The following DNAH11 variants were observed in gnomAD, a reference collection of about 807,000 sequenced individuals.
DNAH11 encodes the protein axonemal beta dynein heavy chain 11.
Under a neutral mutation model 526.0 loss-of-function variants are expected in DNAH11, and 442 were observed. The observed-to-expected ratio is 0.84, with a 90% CI of 0.78 to 0.91. The LOEUF (loss-of-function observed/expected upper bound fraction) is 0.91, where lower values mean the gene tolerates loss of function less well. DNAH11 is among the 40% of genes least tolerant of loss of function. DNAH11 has a pLI of 0.00. For missense variants in DNAH11, 6,989 were observed against 5,448.7 expected, an observed-to-expected ratio of 1.28 and a Z score of -8.90; for synonymous variants, 2,461 against 1,935.9, an observed-to-expected ratio of 1.27 and a Z score of -7.12.
chr7:21,698,811 T>C (rs931769052), intron 36 of DNAH11, among the ~76,000 whole-genome samples: 2 of 152,238 alleles, frequency 1.3e-5, no homozygotes, highest in African/African-American at 4.8e-5. Context: ...TAATGACTAC[T>C]TTTCCTCTGG....
At chr7:21,846,232 T>A (rs1782412844) in intron 66 of DNAH11, among the ~76,000 whole-genome samples, 1 of 152,154 alleles carries the variant, frequency 6.6e-6, no homozygotes. Flanking sequence ...TTCCTTTTCT[T>A]GTCTTAAGGC....
chr7:21,726,452 C>A (rs775949517), intron 45 of DNAH11, among the ~76,000 whole-genome samples: 1 of 122,100 alleles, frequency 8.2e-6, no homozygotes, highest in Non-Finnish European at 1.7e-5. Flanking sequence ...CTGATGTGAT[C>A]CCTTTTTAAA....
At chr7:21,600,614 G>T in intron 15 of DNAH11, 62 bp from the exon 16 acceptor site, 1 of 1,494,278 alleles carries the variant, frequency 6.7e-7, no homozygotes, top group Non-Finnish European at 8.9e-7. Context: ...ATGTTATGTT[G>T]TAGATAATTG....
intron 66 of DNAH11, 101 bp from the exon 67 acceptor site, chr7:21,852,366 C>G: frequency 1.6e-6 from 2 of 1,247,672 alleles, no homozygotes; most frequent in East Asian, 2.5e-5. Flanking sequence ...AAGATCATAC[C>G]ACTGTACTCC....
At chr7:21,771,796 C>T (rs1787444743) in intron 55 of DNAH11, among the ~76,000 whole-genome samples, 2 of 152,084 alleles carry the variant, frequency 1.3e-5, no homozygotes, top group Non-Finnish European at 2.9e-5. Context: ...TTGCGTAGCC[C>T]TCGCTGCGGC....
Position 21,789,331 on chromosome 7 carries a change from A to G in DNAH11, c.10015A>G (p.Lys3339Glu), listed in dbSNP as rs1250244826. 2 of 1,566,750 alleles carry G rather than the reference A, an allele frequency of 1.3e-6. No homozygotes were observed. The highest frequency in any genetic ancestry group is 2.4e-5 in the East Asian group (1 of 42,428). The change falls in exon 61 of 82, where the codon AAA (lysine) becomes GAA (glutamate). Residue 3339 changes from lysine (K) to glutamate (E), a missense_variant. Coordinates refer to ENST00000409508, the MANE Select transcript of DNAH11 (RefSeq NM_001277115.2). Reference sequence around the variant, plus strand: ...TACTGAAAAACTAGAGGCTATCAGGAAAAAGCTTGTGGTGAGTGCAAACTA... The same window carrying G: ...TACTGAAAAACTAGAGGCTATCAGGGAAAAGCTTGTGGTGAGTGCAAACTA... ...AATEKLEAIR[K>E]KLVDLDRNLS...
At chr7:21,690,002 C>CT (rs1326743673) in intron 34 of DNAH11, among the ~76,000 whole-genome samples, 1 of 152,232 alleles carries the variant, frequency 6.6e-6, no homozygotes, top group Non-Finnish European at 1.5e-5. Flanking sequence ...CAACGCAAAT[C>CT]TTTCACTGTT....
At chr7:21,548,977 G>C (rs190302744) in intron 2 of DNAH11, among the ~76,000 whole-genome samples, 1 of 151,794 alleles carries the variant, frequency 6.6e-6, no homozygotes, top group Admixed American at 6.6e-5. Flanking sequence ...TGCCTCCCCA[G>C]TTCAAGCAAT....
chr7:21,588,340 A>G, intron 10 of DNAH11, 139 bp downstream of exon 10: 6 of 1,328,650 alleles, frequency 4.5e-6, no homozygotes, highest in Non-Finnish European at 6.1e-6. Context: ...TGGTTTCCTC[A>G]TGGAGATGGT....
intron 54 of DNAH11, among the ~76,000 whole-genome samples, 184 bp from the exon 55 acceptor site, chr7:21,765,244 C>T (rs1787124016): frequency 1.3e-5 from 2 of 152,092 alleles, no homozygotes; most frequent in African/African-American, 4.8e-5. Flanking sequence ...GTGGAGCAGC[C>T]TCTTTGGACA....
chr7:21,873,054 G>C (rs1416698230), intron 73 of DNAH11, among the ~76,000 whole-genome samples: 1 of 150,788 alleles, frequency 6.6e-6, no homozygotes, highest in Non-Finnish European at 1.5e-5. Context: ...TGTTGATTGG[G>C]AACATTTAAT....
intron 81 of DNAH11, 114 bp from the exon 82 acceptor site, chr7:21,900,893 C>T: frequency 6.8e-7 from 1 of 1,470,622 alleles, no homozygotes. Flanking sequence ...CACTGACAAG[C>T]AAAAATATGA....
Position 21,583,419 on chromosome 7 carries a change from C to T in DNAH11, c.1710+1398C>T, listed in dbSNP as rs772626233. Among the ~76,000 whole-genome samples, 25 of 152,264 alleles carry T rather than the reference C, an allele frequency of 1.6e-4. No individual in the cohort carries two copies. In the Middle Eastern group the frequency reaches 0.014, roughly 83 times the overall value. The stretch of plus-strand genomic sequence containing the variant: ...ACGGAAACTGGACCTCTTCCTTACA[C>T]CTTATAGAAAAATTAAGATGGATTA... On this transcript the variant is annotated intron_variant, in intron 9 of 81. Coordinates refer to ENST00000409508, the MANE Select transcript of DNAH11 (RefSeq NM_001277115.2).
chr7:21,572,181 C>T (rs912519191), intron 8 of DNAH11, among the ~76,000 whole-genome samples: 9 of 152,118 alleles, frequency 5.9e-5, no homozygotes, highest in Non-Finnish European at 7.4e-5. Context: ...TTCAGAATGA[C>T]GGCTGATAAA....
chr7:21,668,703 G>C (rs1421886153), intron 30 of DNAH11, among the ~76,000 whole-genome samples: 1 of 152,094 alleles, frequency 6.6e-6, no homozygotes, highest in Admixed American at 6.6e-5. Flanking sequence ...ATAATACATT[G>C]TATACGTGTA....
chr7:21,691,622 A>G (rs1376577061), intron 35 of DNAH11, among the ~76,000 whole-genome samples: 2 of 152,216 alleles, frequency 1.3e-5, no homozygotes, highest in African/African-American at 4.8e-5. Context: ...TATGTTTTCT[A>G]GCCTCCTTTT....
chr7:21,735,923 A>G (rs1785590339), intron 46 of DNAH11, 79 bp downstream of exon 46: 1 of 1,308,156 alleles, frequency 7.6e-7, no homozygotes, highest in South Asian at 1.6e-5. Context: ...AAAGACTAAT[A>G]ATGCCTTTCC....
chr7:21,866,801 AT>A lies in DNAH11; in HGVS notation c.11690+139del. On this transcript the variant is annotated intron_variant, in intron 71 of 81. Coordinates refer to ENST00000409508, the MANE Select transcript of DNAH11 (RefSeq NM_001277115.2). ...ATTCTGCTGAGATTTTGATATTATA[AT>A]CACTGCTACTGTTAAAATTTGCTAA... is the stretch of plus-strand genomic sequence containing the variant. The A allele has an allele frequency of 5.3e-6, 5 of 943,534 alleles. No homozygotes were observed. The South Asian group carries it at 1.1e-4, about 21-fold the overall frequency. 58.4% of individuals were successfully genotyped at this position (943,534 alleles called of 1,614,324 possible). A position where few individuals can be genotyped will look rare whatever the true frequency, so the allele number is the denominator to read the frequency against.
rs115049844 is a variant in DNAH11 at position 21,764,632 on chromosome 7, T to C, written c.8941-796T>C. Reference sequence around the variant, plus strand: ...CACAGGGTGTCTCTGATGAACCCTCTGAAGCACACAGGAGCTGACCAGGTG... The same window carrying C: ...CACAGGGTGTCTCTGATGAACCCTCCGAAGCACACAGGAGCTGACCAGGTG... On this transcript the variant is annotated intron_variant, in intron 54 of 81. Coordinates refer to ENST00000409508, the MANE Select transcript of DNAH11 (RefSeq NM_001277115.2). Among the ~76,000 whole-genome samples the C allele has an allele frequency of 3.8e-3, 586 of 152,336 alleles. 2 individuals are homozygous for C. The highest frequency in any genetic ancestry group is 0.014 in the African/African-American group (562 of 41,564).
Sources: allele counts gnomAD v4.1 joint callset (sites outside exome capture counted in the v4.1 genomes callset), GRCh38; gene constraint gnomAD v4.1.1; transcripts MANE v1.5; gene names NCBI Gene and HGNC (gene_info 2026-07-23, HGNC 2026-07-21).